CUZD1: variants seen among roughly 807,000 people sequenced by gnomAD.
The protein encoded by CUZD1 is CUB and zona pellucida like domains 1.
A neutral mutation model predicts 53.1 loss-of-function variants in CUZD1; 42 were observed. The ratio of observed to expected loss-of-function variants is 0.79; its 90% CI spans 0.62 to 1.02. The LOEUF (loss-of-function observed/expected upper bound fraction) is 1.02. Among genes scored for constraint, CUZD1 ranks in the 50% least tolerant of loss-of-function variants. The pLI is 0.00. For missense variants in CUZD1, 670 were observed against 715.7 expected (o/e 0.94, Z 0.73); for synonymous variants, 238 against 257.2 (o/e 0.93, Z 0.71).
chr10:122,839,545 CTT>C (rs1184916771), intron 2 of CUZD1, among the ~76,000 whole-genome samples: 2 of 152,188 alleles, frequency 1.3e-5, no homozygotes, highest in African/African-American at 4.8e-5. Context: ...CCATGTAACT[CTT>C]TGATGAACCT....
At chr10:122,842,203 G>C (rs745794597) in intron 1 of CUZD1, among the ~76,000 whole-genome samples, 1 of 152,010 alleles carries the variant, frequency 6.6e-6, no homozygotes, top group Non-Finnish European at 1.5e-5. Context: ...CTCAACCCCA[G>C]GTTACAAAGA....
chr10:122,841,293 T>C lies in CUZD1; in HGVS notation c.118A>G (p.Asn40Asp). The change falls in exon 2 of 9, where the codon AAT becomes GAT. Residue 40 changes from asparagine to aspartate, a missense_variant. By Grantham distance (23) the Asn-to-Asp change is conservative. Coordinates refer to ENST00000392790, the MANE Select transcript of CUZD1 (RefSeq NM_022034.6). ...ASCTVSLGGA[N>D]MAETHKAMIL... ...ATGGCTTTGTGGGTCTCTGCCATAT[T>C]GGCACCCCCTAGACTGACTGTGCAG... 6.2e-7 allele frequency: 1 copy of C among 1,613,806 alleles called. No individual in the cohort carries two copies.
In CUZD1 at chr10:122,833,791, C is replaced by T. The variant is rs201005450; in HGVS notation, c.1532G>A (p.Arg511His). 2.7e-5 allele frequency: 43 copies of T among 1,613,986 alleles called. No homozygotes were observed. The East Asian group carries it at 6.2e-4, about 23-fold the overall frequency. ...TCTGGAGACACAACCTTGATTGCAGCGAGACTGGTGGTCACTGCTATCACA... is the reference window on the plus strand; with the variant it reads ...TCTGGAGACACAACCTTGATTGCAGTGAGACTGGTGGTCACTGCTATCACA... Reference protein sequence around the residue: ...LICDSSDHQSRCNQGCVSRSK... With the variant: ...LICDSSDHQSHCNQGCVSRSK... The change falls in exon 8 of 9, where the codon CGC (arginine) becomes CAC (histidine). Residue 511 changes from arginine to histidine, a missense_variant. Coordinates refer to ENST00000392790, the MANE Select transcript of CUZD1 (RefSeq NM_022034.6).
Position 122,843,868 on chromosome 10 carries a change from AT to A in CUZD1, c.82+1893del, listed in dbSNP as rs1847386347. Among the ~76,000 whole-genome samples, 9 of 147,210 alleles carry A rather than the reference AT, an allele frequency of 6.1e-5. No individual in the cohort carries two copies. The South Asian group carries it at 1.9e-3, about 31-fold the overall frequency. ...AAACTTGTACACTAATATTCATCAC[AT>A]TAGTCTATATATAATATACAGTTAT... On this transcript the variant is annotated intron_variant, in intron 1 of 8. Transcript: ENST00000392790.
intron 7 of CUZD1, 26 bp downstream of exon 7, chr10:122,834,680 C>A: frequency 6.6e-7 from 1 of 1,524,070 alleles, no homozygotes; most frequent in Non-Finnish European, 8.8e-7. Flanking sequence ...GAATATCATA[C>A]ATACATCAGT....
intron 1 of CUZD1, among the ~76,000 whole-genome samples, chr10:122,844,726 G>A (rs1298425461): frequency 2.0e-5 from 3 of 152,018 alleles, no homozygotes; most frequent in Non-Finnish European, 1.5e-5. Flanking sequence ...AAATTATTTG[G>A]TAAATTCTTA....
At position 122,833,658 on chromosome 10, in the gene CUZD1, A is replaced by G. The variant is rs1847193783; in HGVS notation, c.1651+14T>C. The G allele has an allele frequency of 1.2e-6, 2 of 1,609,998 alleles. No homozygotes were observed. The highest frequency in any genetic ancestry group is 1.7e-6 in the Non-Finnish European group (2 of 1,177,536). On this transcript the variant is annotated intron_variant, in intron 8 of 8. Transcript: ENST00000392790. ...ATGATGTGCTTTTGGATCATGGAAT[A>G]GCTTTTTTCTTACCTGAATTGCCAC...
chr10:122,845,704 G>T, intron 1 of CUZD1, 58 bp downstream of exon 1: 1 of 1,464,344 alleles, frequency 6.8e-7, no homozygotes, highest in Non-Finnish European at 9.4e-7. Context: ...TTTGAAAGAG[G>T]CCTCTTAAGA....
Position 122,839,212 on chromosome 10 carries a change from A to G in CUZD1, c.253T>C (p.Cys85Arg). Residue 85 changes from cysteine to arginine, a missense_variant, in exon 3 of 9, where the codon TGT (cysteine) becomes CGT (arginine). Coordinates refer to ENST00000392790, the MANE Select transcript of CUZD1 (RefSeq NM_022034.6). ...SYVQLDPDGS[C>R]ESENIKVFDG... The stretch of plus-strand genomic sequence containing the variant: ...AAGACTTTAATGTTTTCACTTTCAC[A>G]GCTTCCATCTGGATCAAGCCTGTGG... 1.2e-6 allele frequency: 2 copies of G among 1,614,014 alleles called. No individual in the cohort carries two copies. The highest frequency in any genetic ancestry group is 1.7e-6 in the Non-Finnish European group (2 of 1,179,886).
At chr10:122,834,669 G>A in intron 7 of CUZD1, 37 bp downstream of exon 7, 1 of 1,459,082 alleles carries the variant, frequency 6.9e-7, no homozygotes, top group East Asian at 2.3e-5. Context: ...TCCACAGGAA[G>A]GAATATCATA....
chr10:122,837,563 G>T lies in CUZD1; in HGVS notation c.449-9C>A, dbSNP rs1591710815. 1 of 1,548,564 alleles carries T rather than the reference G, an allele frequency of 6.5e-7. No homozygotes were observed. The highest frequency in any genetic ancestry group is 8.7e-7 in the Non-Finnish European group (1 of 1,153,100). On this transcript the variant is annotated splice_polypyrimidine_tract_variant and intron_variant, in intron 3 of 8. Transcript: ENST00000392790. ...GCCACAGTTTGGAATAGCTGAAATG[G>T]ATGTGAAGGTGGTCAAGAATGAACA...
rs770045215 is a variant in CUZD1 at position 122,833,881 on chromosome 10, T to A, written c.1442A>T (p.Gln481Leu). Residue 481 changes from glutamine (Q) to leucine (L), a missense_variant, in exon 8 of 9, where the codon CAG (glutamine) becomes CTG (leucine). Transcript: ENST00000392790. ...YPLFGHYGRF[Q>L]FNAFKFLRSM... is the part of the protein sequence containing the mutation. ...TCTCAAGAATTTAAAGGCATTAAAC[T>A]GGAATCTCCCATAGTGTCCAAATAA... 84 of 1,613,810 alleles carry A rather than the reference T, an allele frequency of 5.2e-5. No homozygotes were observed. The highest frequency in any genetic ancestry group is 7.0e-5 in the Non-Finnish European group (83 of 1,179,820).
chr10:122,837,371 T>G (rs1215476754), intron 4 of CUZD1, 33 bp downstream of exon 4: 1 of 1,612,874 alleles, frequency 6.2e-7, no homozygotes, highest in Non-Finnish European at 8.5e-7. Flanking sequence ...GTTTACTGCA[T>G]TTGTTCCAAC....
rs372082723 is a variant in CUZD1 at position 122,841,229 on chromosome 10, G to C, written c.182C>G (p.Thr61Arg). The C allele has an allele frequency of 1.1e-5, 18 of 1,613,872 alleles. No individual in the cohort carries two copies. The African/African-American group carries it at 2.3e-4, about 20-fold the overall frequency. ...GCTTTTGTTTTCTGGTCTTTCTATT[G>C]TCCAGGTGCAGTTCTCACTGGGATT... Reference protein sequence around the residue: ...QLNPSENCTWTIERPENKSIR... With the variant: ...QLNPSENCTWRIERPENKSIR... The change falls in exon 2 of 9, where the codon ACA (threonine) becomes AGA (arginine). Residue 61 changes from threonine to arginine, a missense_variant. Coordinates refer to ENST00000392790, the MANE Select transcript of CUZD1 (RefSeq NM_022034.6).
At chr10:122,841,954 T>C (rs1054320518) in intron 1 of CUZD1, among the ~76,000 whole-genome samples, 2 of 152,216 alleles carry the variant, frequency 1.3e-5, no homozygotes, top group Admixed American at 1.3e-4. Flanking sequence ...TGCCCTTTTT[T>C]TTTTAACTTG....
Position 122,845,798 on chromosome 10 carries a change from A to G in CUZD1, c.46T>C (p.Ser16Pro), listed in dbSNP as rs1003444066. 8.7e-6 allele frequency: 14 copies of G among 1,614,058 alleles called. No individual in the cohort carries two copies. In the Middle Eastern group the frequency reaches 9.9e-4, roughly 114 times the overall value. The change falls in exon 1 of 9, where the codon TCC becomes CCC. Residue 16 changes from serine (S) to proline (P), a missense_variant. Transcript: ENST00000392790. ...RLMPLTLLIL[S>P]CLAELTMAEA... ...GCCATTGTCAGCTCCGCCAAACAGG[A>G]GAGAATTAAGAGGGTCAATGGCATG...
At chr10:122,842,852 T>C (rs760059645) in intron 1 of CUZD1, among the ~76,000 whole-genome samples, 3 of 152,206 alleles carry the variant, frequency 2.0e-5, no homozygotes, top group Non-Finnish European at 4.4e-5. Flanking sequence ...CCAATATGCA[T>C]GTAAAGATAT....
At chr10:122,845,378 A>AT (rs546186239) in intron 1 of CUZD1, among the ~76,000 whole-genome samples, 6 of 151,162 alleles carry the variant, frequency 4.0e-5, no homozygotes, top group South Asian at 2.1e-4. Flanking sequence ...CCCAGCCATC[A>AT]TTTTTTTTTA....
At chr10:122,836,079 G>C in intron 6 of CUZD1, 99 bp downstream of exon 6, 1 of 1,107,756 alleles carries the variant, frequency 9.0e-7, no homozygotes, top group South Asian at 1.7e-5. Context: ...TAAAATTTGG[G>C]GGTCGTTTGT....
Sources: allele counts gnomAD v4.1 joint callset (sites outside exome capture counted in the v4.1 genomes callset), GRCh38; gene constraint gnomAD v4.1.1; transcripts MANE v1.5; gene names NCBI Gene and HGNC (gene_info 2026-07-23, HGNC 2026-07-21).